CCDC18: variants seen among roughly 807,000 people sequenced by gnomAD.
CCDC18 encodes coiled-coil domain containing 18.
Under a neutral mutation model 196.0 loss-of-function variants are expected in CCDC18, and 157 were observed. The ratio of observed to expected loss-of-function variants is 0.80; its 90% confidence interval spans 0.70 to 0.91. The LOEUF (loss-of-function observed/expected upper bound fraction) is 0.91, where lower values mean the gene tolerates loss of function less well. Ranked by LOEUF, CCDC18 falls within the 40% of genes least tolerant of loss-of-function variation. The probability of loss-of-function intolerance (pLI) is 0.00; values close to 1 mark genes in which losing one functional copy is unlikely to be tolerated. For synonymous variants in CCDC18, 482 were observed against 529.2 expected (o/e 0.91, Z 1.22); for missense variants, 1,465 against 1,611.6 (o/e 0.91, Z 1.56).
chr1:93,202,959 C>T (rs550332194), intron 7 of CCDC18, among the ~76,000 whole-genome samples: 33 of 152,304 alleles, frequency 2.2e-4, no homozygotes, highest in Admixed American at 1.9e-3. Flanking sequence ...AATGCTTGAG[C>T]TGCTAGGCTA....
At chr1:93,240,024 G>C (rs1302001590) in intron 21 of CCDC18, 128 bp downstream of exon 21, 2 of 668,788 alleles carry the variant, frequency 3.0e-6, no homozygotes, top group Non-Finnish European at 5.1e-6. Context: ...ATCCCAGCCA[G>C]CCTATCCCAT....
chr1:93,248,136 TC>T (rs1189905215), intron 23 of CCDC18, among the ~76,000 whole-genome samples: 2 of 145,414 alleles, frequency 1.4e-5, no homozygotes, highest in African/African-American at 2.5e-5. Context: ...TGCCTCAGCC[TC>T]CCCAGTAGCT....
At chr1:93,234,416 T>A (rs1051590082) in intron 18 of CCDC18, among the ~76,000 whole-genome samples, 5 of 152,140 alleles carry the variant, frequency 3.3e-5, no homozygotes, top group Non-Finnish European at 5.9e-5. Context: ...CACCTCAGCC[T>A]CCCAAAGTGC....
At position 93,205,589 on chromosome 1, in the gene CCDC18, G is replaced by T. The variant is rs747364430; in HGVS notation, c.875G>T (p.Gly292Val). ...KENKRLQERC[G>V]LYKSELEILK... The stretch of plus-strand genomic sequence containing the variant: ...AATAAAAGGCTACAAGAAAGGTGTG[G>T]TCTATATAAAAGTGAACTTGAAATT... The change falls in exon 8 of 29, where the codon GGT becomes GTT. Residue 292 changes from glycine (G) to valine (V), a missense_variant. Physicochemically the swap from Gly to Val is moderately radical, Grantham distance 109 (BLOSUM62 -3). Transcript: ENST00000690025. 1.9e-5 allele frequency: 31 copies of T among 1,598,470 alleles called. No individual in the cohort carries two copies. Among genetic ancestry groups the T allele is most frequent in the Non-Finnish European group, 2.6e-5 (30 of 1,170,374 alleles).
In CCDC18 at chr1:93,216,731, A is replaced by G. The variant is rs753998625; in HGVS notation, c.1815A>G (p.Leu605=). The change falls in exon 13 of 29, where the codon CTA becomes CTG. Residue 605 remains leucine, a synonymous_variant. Transcript: ENST00000690025. ...YSSIAAKNAE[L]EQELMEKNEK... The stretch of plus-strand genomic sequence containing the variant: ...CTATTGCTGCAAAAAATGCAGAACT[A>G]GAACAGGAGCTTATGGTAAAACTTA... 16 of 1,554,944 alleles carry G rather than the reference A, an allele frequency of 1.0e-5. No individual in the cohort carries two copies. The highest frequency in any genetic ancestry group is 1.9e-5 in the Admixed American group (1 of 52,662).
intron 21 of CCDC18, among the ~76,000 whole-genome samples, chr1:93,242,137 C>T (rs146030086): frequency 2.0e-5 from 3 of 152,244 alleles, no homozygotes; most frequent in African/African-American, 7.2e-5. Flanking sequence ...GAAAACACCC[C>T]AAATGTTCAT....
intron 16 of CCDC18, among the ~76,000 whole-genome samples, chr1:93,224,337 G>A (rs562537150): frequency 6.6e-6 from 1 of 152,320 alleles, no homozygotes; most frequent in South Asian, 2.1e-4. Flanking sequence ...CCTGTGAACA[G>A]AGAATTTCTT....
rs1557670766 is a variant in CCDC18 at position 93,236,391 on chromosome 1, G to A, written c.2603+1G>A. ...TGATTGAGCTTACTGGCACTGCCAGGTAAAATGTGAATATGTTTTATTTAC... is the reference window on the plus strand; with the variant it reads ...TGATTGAGCTTACTGGCACTGCCAGATAAAATGTGAATATGTTTTATTTAC... On this transcript the variant is annotated splice_donor_variant, in intron 19 of 28. Coordinates refer to ENST00000690025, the MANE Select transcript of CCDC18 (RefSeq NM_001378204.1). LOFTEE classifies it high-confidence loss of function. 6.3e-7 allele frequency: 1 copy of A among 1,586,038 alleles called. No individual in the cohort carries two copies.
chr1:93,240,810 A>C (rs981332754), intron 21 of CCDC18, among the ~76,000 whole-genome samples: 1 of 152,160 alleles, frequency 6.6e-6, no homozygotes, highest in Admixed American at 6.5e-5. Flanking sequence ...CTTAGCCAAA[A>C]TAGGACTCAT....
At chr1:93,226,476 G>C in intron 17 of CCDC18, 27 bp downstream of exon 17, 1 of 948,854 alleles carries the variant, frequency 1.1e-6, no homozygotes. Flanking sequence ...TTTATATATA[G>C]CATATATTTC....
chr1:93,208,377 G>A (rs1182884396), intron 9 of CCDC18, among the ~76,000 whole-genome samples: 1 of 151,146 alleles, frequency 6.6e-6, no homozygotes, highest in African/African-American at 2.4e-5. Flanking sequence ...TGTTGCCCAG[G>A]CTGGAGTGCA....
At chr1:93,211,104 G>A (rs986495864) in intron 10 of CCDC18, among the ~76,000 whole-genome samples, 178 bp downstream of exon 10, 13 of 151,616 alleles carry the variant, frequency 8.6e-5, no homozygotes, top group Non-Finnish European at 1.8e-4. Context: ...GTGAAACCTC[G>A]TCTCTACTAA....
chr1:93,180,524 G>T (rs374283527), upstream of CCDC18: 57 of 1,523,064 alleles, frequency 3.7e-5, no homozygotes, highest in African/African-American at 6.8e-4. Context: ...GACGGCCTCC[G>T]GTTCCCATGG....
rs1055317167 is a variant in CCDC18, at chr1:93,221,893, C to A, written c.2132C>A (p.Ala711Asp). Residue 711 changes from alanine to aspartate, a missense_variant, in exon 16 of 29, where the codon GCT becomes GAT. Physicochemically the swap from Ala to Asp is moderately radical, Grantham distance 126 (BLOSUM62 -2). Coordinates refer to ENST00000690025, the MANE Select transcript of CCDC18 (RefSeq NM_001378204.1). ...AAGGAAAATATGAAGAAAGATGAAG[C>A]TTTAAAAGCATTACAGAACCAAGTA... is the stretch of plus-strand genomic sequence containing the variant. ...MKKENMKKDE[A>D]LKALQNQVSE... The A allele has an allele frequency of 8.1e-6, 13 of 1,600,306 alleles. No individual in the cohort carries two copies. Among genetic ancestry groups the A allele is most frequent in the African/African-American group, 1.4e-5 (1 of 73,942 alleles).
chr1:93,193,977 G>A (rs991538753), intron 6 of CCDC18, among the ~76,000 whole-genome samples: 2 of 151,834 alleles, frequency 1.3e-5, no homozygotes, highest in Non-Finnish European at 2.9e-5. Flanking sequence ...AACTGATAAC[G>A]ATTATCAGTT....
chr1:93,276,623 C>T (rs1443134399), intron 28 of CCDC18, among the ~76,000 whole-genome samples: 1 of 152,056 alleles, frequency 6.6e-6, no homozygotes, highest in Non-Finnish European at 1.5e-5. Context: ...ACCAGGAGTA[C>T]AGGTAATACC....
intron 23 of CCDC18, among the ~76,000 whole-genome samples, chr1:93,254,019 A>C (rs890464365): frequency 6.6e-6 from 1 of 151,918 alleles, no homozygotes; most frequent in Non-Finnish European, 1.5e-5. Context: ...TTTACCTCTA[A>C]GTATTGTTGA....
At chr1:93,183,284 T>A in intron 1 of CCDC18, 76 bp from the exon 2 acceptor site, 1 of 1,035,176 alleles carries the variant, frequency 9.7e-7, no homozygotes. Flanking sequence ...TGAGTTAAAT[T>A]CTATTCATGT....
chr1:93,188,578 T>C (rs181459653), intron 4 of CCDC18, among the ~76,000 whole-genome samples: 84 of 152,372 alleles, frequency 5.5e-4, no homozygotes, highest in African/African-American at 2.0e-3. Context: ...CCCTTCTATC[T>C]TCCAGTGCCA....
Sources: allele counts gnomAD v4.1 joint callset (sites outside exome capture counted in the v4.1 genomes callset), GRCh38; gene constraint gnomAD v4.1.1; transcripts MANE v1.5; gene names NCBI Gene and HGNC (gene_info 2026-07-23, HGNC 2026-07-21).